The following LIAS variants were observed in gnomAD, a reference collection of about 807,000 sequenced individuals.
LIAS encodes the protein lipoic acid synthetase.
In LIAS, 36 loss-of-function variants were observed where a neutral mutation model predicts 49.4. The observed-to-expected ratio is 0.73, with a 90% CI of 0.56 to 0.96. LIAS has a LOEUF of 0.96. Among genes scored for constraint, LIAS ranks in the 40% least tolerant of loss-of-function variants. The pLI is 0.00. For missense variants in LIAS, 399 were observed against 456.3 expected (o/e 0.87, Z 1.14); for synonymous variants, 145 against 155.8 (o/e 0.93, Z 0.52).
In LIAS at chr4:39,473,186, T is replaced by C. The variant is rs969749198; in HGVS notation, c.1041T>C (p.Pro347=). The C allele has an allele frequency of 1.1e-5, 18 of 1,611,570 alleles. No individual in the cohort carries two copies. The highest frequency in any genetic ancestry group is 1.3e-5 in the African/African-American group (1 of 74,864). The part of the protein sequence containing the change: ...ELGFHYTASG[P]LVRSSYKAGE... ...GATTTCATTATACTGCAAGTGGCCC[T>C]TTGGTGCGTTCTTCATATAAAGCAG... Residue 347 remains proline, a synonymous_variant, in exon 10 of 11, where the codon CCT becomes CCC. Transcript: ENST00000640888.
At chr4:39,462,481 G>A (rs1015591784) in intron 3 of LIAS, among the ~76,000 whole-genome samples, 192 bp downstream of exon 3, 1 of 152,032 alleles carries the variant, frequency 6.6e-6, no homozygotes, top group Non-Finnish European at 1.5e-5. Flanking sequence ...TTTGCCCTAC[G>A]AGTTTGGAAA....
intron 2 of LIAS, among the ~76,000 whole-genome samples, 180 bp downstream of exon 2, chr4:39,461,142 CT>C (rs1473997592): frequency 2.6e-5 from 4 of 152,166 alleles, no homozygotes; most frequent in African/African-American, 9.7e-5. Flanking sequence ...TTTTTGGAAT[CT>C]TTCTCTTTTC....
At position 39,471,311 on chromosome 4, in the gene LIAS, A is replaced by G. The variant is rs747789619; in HGVS notation, c.954+5A>G. 8.9e-6 allele frequency: 14 copies of G among 1,572,518 alleles called. No individual in the cohort carries two copies. ...CCAACAAGGCGTCACCTTAAGGTACATGTATCTTGATTTGCTTTTTTTTTT... is the reference window on the plus strand; with the variant it reads ...CCAACAAGGCGTCACCTTAAGGTACGTGTATCTTGATTTGCTTTTTTTTTT... On this transcript the variant is annotated splice_donor_5th_base_variant and intron_variant, in intron 9 of 10. Coordinates refer to ENST00000640888, the MANE Select transcript of LIAS (RefSeq NM_006859.4).
rs1276865935 is a variant in LIAS, at chr4:39,478,853, T to G, written c.*1738T>G. On this transcript the variant is annotated 3_prime_UTR_variant, in exon 11 of 11. Transcript: ENST00000640888. The stretch of plus-strand genomic sequence containing the variant: ...ACTTTTAGGTGGCCATGTTGTAAAA[T>G]ATGTAAAGTGGATAGCCAATTCTGT... 6.6e-6 allele frequency: 1 copy of G among 152,206 alleles called. No individual in the cohort carries two copies. Among genetic ancestry groups the G allele is most frequent in the Non-Finnish European group, 1.5e-5 (1 of 68,040 alleles). 9.4% of individuals were successfully genotyped at this position (152,206 alleles called of 1,614,324 possible). A position where few individuals can be genotyped will look rare whatever the true frequency, so the allele number is the denominator to read the frequency against.
chr4:39,476,965 C>T, intron 10 of LIAS, 98 bp from the exon 11 acceptor site: 1 of 787,446 alleles, frequency 1.3e-6, no homozygotes, highest in Non-Finnish European at 2.0e-6. Flanking sequence ...CAAAAGTCTT[C>T]TTTAAAGGGG....
chr4:39,469,823 T>G (rs1744912608), intron 7 of LIAS, 196 bp from the exon 8 acceptor site: 148 of 417,650 alleles, frequency 3.5e-4, no homozygotes, highest in Non-Finnish European at 3.9e-4. Context: ...GCCCCAGGCT[T>G]GAGATAGAAC....
intron 10 of LIAS, chr4:39,475,077 C>T (rs9996263): frequency 0.078 from 11,894 of 152,480 alleles, 569 homozygotes; most frequent in African/African-American, 0.13. Flanking sequence ...CATGGTGCTG[C>T]GCACCTGTAG....
intron 2 of LIAS, 150 bp downstream of exon 2, chr4:39,461,112 G>A (rs1464954012): frequency 6.2e-6 from 4 of 643,260 alleles, no homozygotes; most frequent in Non-Finnish European, 1.0e-5. Flanking sequence ...GAACTAGATA[G>A]AACAAGTAAG....
intron 6 of LIAS, among the ~76,000 whole-genome samples, chr4:39,465,592 T>C (rs1428440952): frequency 6.6e-6 from 1 of 152,242 alleles, no homozygotes; most frequent in Non-Finnish European, 1.5e-5. Context: ...ATAGAATCCC[T>C]CCCTCATATT....
Position 39,465,086 on chromosome 4 carries a change from C to A in LIAS, c.434C>A (p.Ser145Tyr). The A allele has an allele frequency of 6.2e-7, 1 of 1,614,034 alleles. No homozygotes were observed. Among genetic ancestry groups the A allele is most frequent in the Non-Finnish European group, 8.5e-7 (1 of 1,179,976 alleles). ...DTCTRGCRFC[S>Y]VKTARNPPPL... The stretch of plus-strand genomic sequence containing the variant: ...TGTACAAGAGGTTGCAGATTTTGTT[C>A]TGTTAAGACTGCAAGAAATCCTCCT... Residue 145 changes from serine (S) to tyrosine (Y), a missense_variant, in exon 5 of 11, where the codon TCT becomes TAT. Transcript: ENST00000640888.
At position 39,469,956 on chromosome 4, in the gene LIAS, T is replaced by C; in HGVS notation, c.738-63T>C. On this transcript the variant is annotated intron_variant, in intron 7 of 10. Transcript: ENST00000640888. Reference sequence around the variant, plus strand: ...TACTTCTCTGGTCTTTCAGGTTGCTTGCATAACTATGTACTTGGTTGAACT... The same window carrying C: ...TACTTCTCTGGTCTTTCAGGTTGCTCGCATAACTATGTACTTGGTTGAACT... 2.0e-6 allele frequency: 3 copies of C among 1,502,606 alleles called. No homozygotes were observed. In the African/African-American group the frequency reaches 4.1e-5, roughly 21 times the overall value. 93.1% of individuals were successfully genotyped at this position (1,502,606 alleles called of 1,614,324 possible).
At chr4:39,459,718 C>G (rs1247348530) in intron 1 of LIAS, among the ~76,000 whole-genome samples, 3 of 152,200 alleles carry the variant, frequency 2.0e-5, no homozygotes, top group Non-Finnish European at 4.4e-5. Context: ...TCTTGACTGC[C>G]ACGTTCAAAC....
intron 7 of LIAS, chr4:39,468,502 A>AAAAAAATAT (rs140159831): frequency 4.0e-5 from 5 of 125,184 alleles, no homozygotes; most frequent in African/African-American, 1.2e-4. Flanking sequence ...GGAAAAAAAA[A>AAAAAAATAT]ATATATATAT....
chr4:39,475,419 TA>T lies in LIAS; in HGVS notation c.1067-1643del, dbSNP rs1189493051. On this transcript the variant is annotated intron_variant, in intron 10 of 10. Coordinates refer to ENST00000640888, the MANE Select transcript of LIAS (RefSeq NM_006859.4). ...TAAGTAAATAAATAAATAAACTAGG[TA>T]TTTTTTTTTTTTATCTAAAGTGGTG... 5 of 121,732 alleles carry T rather than the reference TA, an allele frequency of 4.1e-5. No individual in the cohort carries two copies. In the East Asian group the frequency reaches 9.0e-4, roughly 22 times the overall value. The allele number at this position is 121,732 out of a possible 1,614,324, so 7.5% of individuals were successfully genotyped here.
intron 9 of LIAS, among the ~76,000 whole-genome samples, chr4:39,471,780 G>A (rs1052266948): frequency 3.3e-5 from 5 of 151,630 alleles, no homozygotes; most frequent in Non-Finnish European, 7.4e-5. Flanking sequence ...CACCCGCTTC[G>A]GCCTCCCAAA....
chr4:39,465,185 C>T lies in LIAS; in HGVS notation c.533C>T (p.Thr178Ile). 1 of 1,613,892 alleles carries T rather than the reference C, an allele frequency of 6.2e-7. No individual in the cohort carries two copies. Among genetic ancestry groups the T allele is most frequent in the Non-Finnish European group, 8.5e-7 (1 of 1,179,820 alleles). ...TGGGGTCTGGATTATGTTGTCCTGA[C>T]ATCTGTGGATCGAGATGGTTAGTGT... is the stretch of plus-strand genomic sequence containing the variant. ...AEWGLDYVVL[T>I]SVDRDDMPDG... The change falls in exon 5 of 11, where the codon ACA (threonine) becomes ATA (isoleucine). Residue 178 changes from threonine to isoleucine, a missense_variant. Transcript: ENST00000640888.
chr4:39,472,146 C>CAT (rs148464976), intron 9 of LIAS, among the ~76,000 whole-genome samples: 50 of 150,458 alleles, frequency 3.3e-4, no homozygotes, highest in African/African-American at 5.4e-4. Flanking sequence ...CACACACACA[C>CAT]ATATATACAC....
intron 6 of LIAS, among the ~76,000 whole-genome samples, 158 bp downstream of exon 6, chr4:39,465,500 A>AGCATATTTGTATGTACAGAT (rs1214126467): frequency 2.6e-5 from 4 of 152,190 alleles, no homozygotes; most frequent in Non-Finnish European, 4.4e-5. Flanking sequence ...CTTTGGAAAA[A>AGCATATTTGTATGTACAGAT]GCATATTTGT....
At chr4:39,460,543 A>C (rs1430085654) in intron 1 of LIAS, among the ~76,000 whole-genome samples, 3 of 151,694 alleles carry the variant, frequency 2.0e-5, no homozygotes, top group Admixed American at 6.6e-5. Flanking sequence ...CAAAAAAAAA[A>C]AAAAAAAAAC....
Sources: gnomAD v4.1 joint callset for allele counts (sites outside exome capture counted in the v4.1 genomes callset) on GRCh38, gnomAD v4.1.1 for gene constraint, MANE v1.5 for transcripts, NCBI Gene and HGNC (gene_info 2026-07-23, HGNC 2026-07-21) for gene names.